The following TMC6 variants were observed in gnomAD, a reference collection of about 807,000 sequenced individuals.
The protein encoded by TMC6 is transmembrane channel like 6, also known as transmembrane channel-like protein 6.
In TMC6, 71 loss-of-function variants were observed where a neutral mutation model predicts 95.4. That is an observed-to-expected ratio of 0.74 (90% CI 0.61 to 0.91). The LOEUF is 0.91. Ranked by LOEUF, TMC6 falls within the 40% of genes least tolerant of loss-of-function variation. The probability of loss-of-function intolerance (pLI) is 0.00; values close to 1 mark genes in which losing one functional copy is unlikely to be tolerated. For missense variants in TMC6, 1,074 were observed against 1,079.1 expected (o/e 1.00, Z 0.07); for synonymous variants, 514 against 483.1 (o/e 1.06, Z -0.84).
Position 78,121,688 on chromosome 17 carries a change from C to A in TMC6, c.1251G>T (p.Leu417=). ...CGCACACGCTCCTGGGGCTGTGCCG[C>A]AGCTGCCACTCGGCCAGCAGCTCCT... ...RLKELLAEWQ[L]RHSPRSVCGR... Residue 417 remains leucine, a synonymous_variant, in exon 11 of 20, where the codon CTG becomes CTT. Coordinates refer to ENST00000590602, the MANE Select transcript of TMC6 (RefSeq NM_001127198.5). This position sits in a 1 kb window ranked among gnomAD's most constrained non-coding sequence, Gnocchi z 5.6. 6.9e-6 allele frequency: 11 copies of A among 1,588,706 alleles called. No homozygotes were observed. Among genetic ancestry groups the A allele is most frequent in the Non-Finnish European group, 9.4e-6 (11 of 1,170,032 alleles).
In TMC6 at chr17:78,124,508, C is replaced by A. The variant is rs1025532220; in HGVS notation, c.891+16G>T. On this transcript the variant is annotated intron_variant, in intron 8 of 19. Transcript: ENST00000590602. ...AGACAGGCACCCCCCGTCCCCCAGT[C>A]CTAGGGCTTCCTCACCGCGCCTGTG... The A allele has an allele frequency of 3.1e-6, 5 of 1,607,474 alleles. No individual in the cohort carries two copies. Among genetic ancestry groups the A allele is most frequent in the Non-Finnish European group, 4.2e-6 (5 of 1,179,774 alleles).
upstream of TMC6, chr17:78,130,501 G>C (rs1326241232): frequency 6.6e-6 from 1 of 152,462 alleles, no homozygotes; most frequent in Non-Finnish European, 1.5e-5. Context: ...CCAGGCGGCA[G>C]ACCCGGACCA....
intron 18 of TMC6, chr17:78,113,993 G>T: frequency 2.9e-6 from 1 of 348,012 alleles, no homozygotes; most frequent in Non-Finnish European, 5.6e-6. Flanking sequence ...CAAGGCACAG[G>T]GTTTACATTA....
At chr17:78,118,112 C>A in intron 15 of TMC6, 177 bp from the exon 16 acceptor site, 2 of 1,140,360 alleles carry the variant, frequency 1.8e-6, no homozygotes, top group Admixed American at 2.7e-5. Context: ...GTCACTTGCA[C>A]GCAAACGGGT....
Position 78,124,958 on chromosome 17 carries a change from C to T in TMC6, c.564G>A (p.Lys188=). 6.3e-7 allele frequency: 1 copy of T among 1,597,364 alleles called. No homozygotes were observed. Among genetic ancestry groups the T allele is most frequent in the Non-Finnish European group, 8.5e-7 (1 of 1,174,462 alleles). ...LREKSRTPRG[K]WRGQPGSGGV... Reference sequence around the variant, plus strand: ...CGCCGCTGCCCGGCTGGCCCCTCCACTTCCCCCTCGGGGTCCTGCTCTTCT... The same window carrying T: ...CGCCGCTGCCCGGCTGGCCCCTCCATTTCCCCCTCGGGGTCCTGCTCTTCT... Residue 188 remains lysine, a synonymous_variant, in exon 7 of 20, where the codon AAG becomes AAA. Coordinates refer to ENST00000590602, the MANE Select transcript of TMC6 (RefSeq NM_001127198.5).
chr17:78,121,407 A>G lies in TMC6; in HGVS notation c.1383+149T>C. 6.3e-6 allele frequency: 9 copies of G among 1,418,470 alleles called. No individual in the cohort carries two copies. Among genetic ancestry groups the G allele is most frequent in the Non-Finnish European group, 8.7e-6 (9 of 1,033,296 alleles). The allele number at this position is 1,418,470 out of a possible 1,614,324, so 87.9% of individuals were successfully genotyped here. ...CAAGGGGCTGAGAAGTGGGGCTCGG[A>G]GGGGGCCCCAGCACGGGGCACAGCG... On this transcript the variant is annotated intron_variant, in intron 11 of 19. Coordinates refer to ENST00000590602, the MANE Select transcript of TMC6 (RefSeq NM_001127198.5). The surrounding 1 kb of genome is among the most constrained non-coding windows in gnomAD (Gnocchi z 5.6).
At position 78,108,878 on chromosome 17, in the gene TMC6, T is replaced by C. The variant is rs2073763843; in HGVS notation, c.*4270A>G. ...TTTGTTTGTTAATACAGGGTCTCTG[T>C]CTCCCACGCTGGAGTGCAGTGATGT... On this transcript the variant is annotated 3_prime_UTR_variant, in exon 20 of 20. Coordinates refer to ENST00000590602, the MANE Select transcript of TMC6 (RefSeq NM_001127198.5). 6.6e-6 allele frequency: 1 copy of C among 152,480 alleles called. No individual in the cohort carries two copies. Among genetic ancestry groups the C allele is most frequent in the African/African-American group, 2.4e-5 (1 of 41,400 alleles). The allele number at this position is 152,480 out of a possible 1,614,324, so 9.4% of individuals were successfully genotyped here.
chr17:78,126,923 A>T lies in TMC6; in HGVS notation c.-74-17T>A. 1 of 1,468,686 alleles carries T rather than the reference A, an allele frequency of 6.8e-7. No homozygotes were observed. The highest frequency in any genetic ancestry group is 9.3e-7 in the Non-Finnish European group (1 of 1,069,816). 91.0% of individuals were successfully genotyped at this position (1,468,686 alleles called of 1,614,324 possible). A position where few individuals can be genotyped will look rare whatever the true frequency, so the allele number is the denominator to read the frequency against. On this transcript the variant is annotated splice_polypyrimidine_tract_variant and intron_variant, in intron 1 of 19. Transcript: ENST00000590602. ...AGCCCCCATCTGATGAGACAGGGGC[A>T]CAGAGCCAGGGGTGGTCTTCAACGC...
Position 78,121,033 on chromosome 17 carries a change from C to T in TMC6, c.1515G>A (p.Glu505=). The change falls in exon 12 of 20, where the codon GAG becomes GAA. Residue 505 remains glutamate (E), a synonymous_variant. Transcript: ENST00000590602. This position sits in a 1 kb window ranked among gnomAD's most constrained non-coding sequence, Gnocchi z 5.6. ...ALEPHDSPVL[E]VYVAICRNLI... is the part of the protein sequence containing the mutation. Reference sequence around the variant, plus strand: ...CACACCTGCAGATGGCCACGTACACCTCCAGTACCGGGGAGTCATGCGGCT... The same window carrying T: ...CACACCTGCAGATGGCCACGTACACTTCCAGTACCGGGGAGTCATGCGGCT... 6.2e-7 allele frequency: 1 copy of T among 1,613,380 alleles called. No individual in the cohort carries two copies. The highest frequency in any genetic ancestry group is 8.5e-7 in the Non-Finnish European group (1 of 1,180,018).
At chr17:78,131,165 T>C (rs2145553311), upstream of TMC6, 1 of 302,032 alleles carries the variant, frequency 3.3e-6, no homozygotes, top group Non-Finnish European at 6.4e-6. Context: ...TGTCTCTCCT[T>C]GGGGTGACGG....
upstream of TMC6, chr17:78,131,518 T>C: frequency 6.5e-7 from 1 of 1,531,112 alleles, no homozygotes; most frequent in Non-Finnish European, 8.7e-7. Context: ...GCCTTAAGGC[T>C]CATCCAACCG....
In TMC6 at chr17:78,122,842, C is replaced by T; in HGVS notation, c.1083-93G>A. 6.5e-7 allele frequency: 1 copy of T among 1,531,380 alleles called. No homozygotes were observed. Among genetic ancestry groups the T allele is most frequent in the Non-Finnish European group, 8.8e-7 (1 of 1,141,534 alleles). The allele number at this position is 1,531,380 out of a possible 1,614,324, so 94.9% of individuals were successfully genotyped here. A position where few individuals can be genotyped will look rare whatever the true frequency, so the allele number is the denominator to read the frequency against. ...GACCGGATGCTCTGGGCAGCCAGACCCCACCACCCACTCAGGAGCCATCTG... is the reference window on the plus strand; with the variant it reads ...GACCGGATGCTCTGGGCAGCCAGACTCCACCACCCACTCAGGAGCCATCTG... On this transcript the variant is annotated intron_variant, in intron 9 of 19. Coordinates refer to ENST00000590602, the MANE Select transcript of TMC6 (RefSeq NM_001127198.5). This position sits in a 1 kb window ranked among gnomAD's most constrained non-coding sequence, Gnocchi z 4.9.
chr17:78,125,350 C>T (rs1454908759), intron 5 of TMC6, 87 bp from the exon 6 acceptor site: 4 of 1,210,058 alleles, frequency 3.3e-6, no homozygotes, highest in East Asian at 2.6e-5. Flanking sequence ...CCTGTGTGTC[C>T]CTGCGGCACC....
chr17:78,118,955 G>A lies in TMC6; in HGVS notation c.1887+16C>T, dbSNP rs756814867. 3 of 1,585,974 alleles carry A rather than the reference G, an allele frequency of 1.9e-6. No individual in the cohort carries two copies. The highest frequency in any genetic ancestry group is 2.6e-6 in the Non-Finnish European group (3 of 1,166,342). On this transcript the variant is annotated intron_variant, in intron 15 of 19. Coordinates refer to ENST00000590602, the MANE Select transcript of TMC6 (RefSeq NM_001127198.5). ...ACCCTGCCAGCCCAGCCCTCCCCAG[G>A]CCTTGGCAGCCTCACCTTCTTGACA...
At position 78,121,567 on chromosome 17, in the gene TMC6, A is replaced by G. The variant is rs1343436931; in HGVS notation, c.1372T>C (p.Phe458Leu). 2 of 1,611,054 alleles carry G rather than the reference A, an allele frequency of 1.2e-6. No homozygotes were observed. Among genetic ancestry groups the G allele is most frequent in the Non-Finnish European group, 1.7e-6 (2 of 1,179,654 alleles). Reference protein sequence around the residue: ...CAVAVHVFSEFMIQSPEAAGQ... With the variant: ...CAVAVHVFSELMIQSPEAAGQ... Reference sequence around the variant, plus strand: ...CCCCATCCCCGCACCTGGATCATGAACTCCGAGAAGACGTGGACGGCCACG... The same window carrying G: ...CCCCATCCCCGCACCTGGATCATGAGCTCCGAGAAGACGTGGACGGCCACG... Residue 458 changes from phenylalanine to leucine, a missense_variant, in exon 11 of 20, where the codon TTC (phenylalanine) becomes CTC (leucine). By Grantham distance (22) the Phe-to-Leu change is conservative. Transcript: ENST00000590602. This position sits in a 1 kb window ranked among gnomAD's most constrained non-coding sequence, Gnocchi z 5.6.
At chr17:78,124,399 G>T in intron 8 of TMC6, 125 bp downstream of exon 8, 1 of 1,489,770 alleles carries the variant, frequency 6.7e-7, no homozygotes, top group Non-Finnish European at 9.1e-7. Context: ...AGCTGGCTGT[G>T]GCCACCTGGA....
intron 1 of TMC6, chr17:78,127,114 G>A (rs2074758757): frequency 1.7e-6 from 1 of 576,676 alleles, no homozygotes; most frequent in Admixed American, 3.0e-5. Flanking sequence ...TGTCAGGGGA[G>A]GGGAGAGAGG....
intron 18 of TMC6, among the ~76,000 whole-genome samples, chr17:78,114,879 C>T (rs763264498): frequency 1.8e-4 from 27 of 151,858 alleles, no homozygotes; most frequent in Admixed American, 2.6e-4. Flanking sequence ...AGCCAGCATC[C>T]GCCTGGAGAA....
chr17:78,127,979 G>A (rs1401133780), intron 1 of TMC6, among the ~76,000 whole-genome samples: 2 of 152,220 alleles, frequency 1.3e-5, no homozygotes, highest in African/African-American at 4.8e-5. Context: ...GCCGAAAGAG[G>A]GGCTGAGGAC....
Sources: allele counts gnomAD v4.1 joint callset (sites outside exome capture counted in the v4.1 genomes callset), GRCh38; gene constraint gnomAD v4.1.1; non-coding constraint Gnocchi (gnomAD v3.1); transcripts MANE v1.5; gene names NCBI Gene and HGNC (gene_info 2026-07-23, HGNC 2026-07-21).